RGL3: variants seen among roughly 807,000 people sequenced by gnomAD.
The protein encoded by RGL3 is ral guanine nucleotide dissociation stimulator like 3.
RGL3 carries 85 observed loss-of-function variants against 90.6 expected under a neutral mutation model. That is an observed-to-expected ratio of 0.94 (90% confidence interval 0.79 to 1.12). The LOEUF is 1.12. Among genes scored for constraint, RGL3 ranks in the 50% most tolerant of loss-of-function variants. The probability of loss-of-function intolerance (pLI) is 0.00; values close to 1 mark genes in which losing one functional copy is unlikely to be tolerated. For missense variants in RGL3, 1,034 were observed against 939.2 expected (o/e 1.10, Z -1.32); for synonymous variants, 408 against 385.5 (o/e 1.06, Z -0.68).
rs537711419 is a variant in RGL3 at position 11,408,431 on chromosome 19, C to A, written c.638-1567G>T. Among the ~76,000 whole-genome samples, 581 of 151,838 alleles carry A rather than the reference C, an allele frequency of 3.8e-3. 4 individuals carry two copies. Among genetic ancestry groups the A allele is most frequent in the African/African-American group, 0.014 (562 of 41,444 alleles). On this transcript the variant is annotated intron_variant, in intron 5 of 18. Coordinates refer to ENST00000380456, the MANE Select transcript of RGL3 (RefSeq NM_001035223.4). ...ACCCCGTCTCTACTAAAAAAAAATA[C>A]AAAAATTAGCCGGGCGTGATGGCAC...
chr19:11,414,505 A>ATATATATATATACC (rs1555720247), intron 5 of RGL3, among the ~76,000 whole-genome samples: 4 of 98,170 alleles, frequency 4.1e-5, no homozygotes, highest in African/African-American at 1.7e-4. Flanking sequence ...ATATATATAT[A>ATATATATATATACC]TATATATATA....
rs759428729 is a variant in RGL3 at position 11,397,564 on chromosome 19, G to T, written c.1780C>A (p.Pro594Thr). 8.2e-6 allele frequency: 13 copies of T among 1,590,948 alleles called. No homozygotes were observed. The highest frequency in any genetic ancestry group is 1.1e-5 in the Non-Finnish European group (13 of 1,167,924). ...PLSLDLPSPR[P>T]FALPLGSPRI... ...GGGCTGCCCAGAGGCAAAGCGAAGGGCCGGGGGCTGGGCAGGTCCAGGCTC... is the reference window on the plus strand; with the variant it reads ...GGGCTGCCCAGAGGCAAAGCGAAGGTCCGGGGGCTGGGCAGGTCCAGGCTC... Residue 594 changes from proline (P) to threonine (T), a missense_variant, in exon 17 of 19, where the codon CCC becomes ACC. Coordinates refer to ENST00000380456, the MANE Select transcript of RGL3 (RefSeq NM_001035223.4).
In RGL3 at chr19:11,397,187, C is replaced by A; in HGVS notation, c.2014+57G>T. ...CTTGGGCTCCATCCTTGGGCGTGGT[C>A]AGTCTGCTCGCCTCCCCGCTGCCCC... is the stretch of plus-strand genomic sequence containing the variant. On this transcript the variant is annotated intron_variant, in intron 18 of 18. Transcript: ENST00000380456. 2.1e-6 allele frequency: 3 copies of A among 1,457,482 alleles called. No individual in the cohort carries two copies. The South Asian group carries it at 3.5e-5, about 17-fold the overall frequency. 90.3% of individuals were successfully genotyped at this position (1,457,482 alleles called of 1,614,324 possible). A position where few individuals can be genotyped will look rare whatever the true frequency, so the allele number is the denominator to read the frequency against.
In RGL3 at chr19:11,402,423, TG is replaced by T. The variant is rs1172829701; in HGVS notation, c.1329+31del. On this transcript the variant is annotated intron_variant, in intron 11 of 18. Transcript: ENST00000380456. ...CCATTGTGCTGGGGGCAAGTGGAGCTGGGGTCAGGGGTCAAGGGTCAGGGGT... is the reference window on the plus strand; with the variant it reads ...CCATTGTGCTGGGGGCAAGTGGAGCTGGGTCAGGGGTCAAGGGTCAGGGGT... The T allele has an allele frequency of 5.0e-6, 8 of 1,588,076 alleles. No individual in the cohort carries two copies. In the Admixed American group the frequency reaches 1.4e-4, roughly 28 times the overall value.
At position 11,402,087 on chromosome 19, in the gene RGL3, G is replaced by A; in HGVS notation, c.1408C>T (p.Gln470Ter). ...ARIQQLQRRC[Q>*]SYTLSPHPPI... ...GGGTGGGGGCTCAGGGTGTAGCTCT[G>A]ACAGCGCCTCTGCAGCTGCTGGATG... Residue 470 changes from glutamine (Q) to a stop codon, truncating the protein, a stop_gained, in exon 13 of 19, where the codon CAG becomes TAG. Coordinates refer to ENST00000380456, the MANE Select transcript of RGL3 (RefSeq NM_001035223.4). LOFTEE classifies it high-confidence loss of function. The A allele has an allele frequency of 6.3e-7, 1 of 1,594,614 alleles. No individual in the cohort carries two copies. Among genetic ancestry groups the A allele is most frequent in the South Asian group, 1.2e-5 (1 of 86,854 alleles).
At chr19:11,411,803 C>A (rs1190954667) in intron 5 of RGL3, among the ~76,000 whole-genome samples, 1 of 152,114 alleles carries the variant, frequency 6.6e-6, no homozygotes, top group Non-Finnish European at 1.5e-5. Context: ...TTTGTAGACA[C>A]AAAGTTTCAA....
At position 11,416,947 on chromosome 19, in the gene RGL3, T is replaced by C; in HGVS notation, c.260A>G (p.Glu87Gly). The change falls in exon 3 of 19, where the codon GAG becomes GGG. Residue 87 changes from glutamate to glycine, a missense_variant. Coordinates refer to ENST00000380456, the MANE Select transcript of RGL3 (RefSeq NM_001035223.4). ...LVGELVFGDR[E>G]QDPSFMPAFL... ...GGCGGGCATGAAGCTGGGGTCCTGC[T>C]CACGGTCTCCAAACACCAACTCTCC... 6.2e-7 allele frequency: 1 copy of C among 1,613,994 alleles called. No homozygotes were observed.
chr19:11,404,565 C>T (rs1025933708), intron 9 of RGL3, among the ~76,000 whole-genome samples: 10 of 149,940 alleles, frequency 6.7e-5, no homozygotes, highest in Non-Finnish European at 1.5e-4. Flanking sequence ...CAAATGATGA[C>T]GACAACAACA....
chr19:11,405,824 T>C (rs560261585), intron 7 of RGL3, among the ~76,000 whole-genome samples: 124 of 151,642 alleles, frequency 8.2e-4, no homozygotes, highest in Non-Finnish European at 1.3e-3. Flanking sequence ...GCCTCCCAAG[T>C]AGCTGGGATT....
chr19:11,396,828 C>T lies in RGL3; in HGVS notation c.2014+416G>A, dbSNP rs913827621. On this transcript the variant is annotated intron_variant, in intron 18 of 18. Coordinates refer to ENST00000380456, the MANE Select transcript of RGL3 (RefSeq NM_001035223.4). ...GACTACAGGAGTGTGCCACCACACC[C>T]GACTAATTTTTGTATGTTTCGTAGA... is the stretch of plus-strand genomic sequence containing the variant. Among the ~76,000 whole-genome samples the T allele has an allele frequency of 5.3e-5, 8 of 151,520 alleles. No individual in the cohort carries two copies. In the East Asian group the frequency reaches 7.8e-4, roughly 15 times the overall value.
intron 7 of RGL3, 51 bp from the exon 8 acceptor site, chr19:11,405,477 T>C (rs560285187): frequency 1.6e-5 from 7 of 430,498 alleles, no homozygotes; most frequent in African/African-American, 8.3e-5. Context: ...CCACCTTTCA[T>C]CCTGAAACTT....
intron 5 of RGL3, among the ~76,000 whole-genome samples, chr19:11,414,075 G>A (rs1032546754): frequency 1.4e-5 from 2 of 139,098 alleles, no homozygotes; most frequent in African/African-American, 5.3e-5. Flanking sequence ...AGCGACAGGG[G>A]CTAGTGGATA....
chr19:11,406,432 A>C lies in RGL3; in HGVS notation c.983T>G (p.Ile328Ser), dbSNP rs1196714930. ...CCCGCAACACACCTGGGCGATGCGGATCCACTTCTCCAGCCGCTGCGCCCT... is the reference window on the plus strand; with the variant it reads ...CCCGCAACACACCTGGGCGATGCGGCTCCACTTCTCCAGCCGCTGCGCCCT... Reference protein sequence around the residue: ...PQRAQRLEKWIRIAQRCRELR... With the variant: ...PQRAQRLEKWSRIAQRCRELR... The change falls in exon 7 of 19, where the codon ATC (isoleucine) becomes AGC (serine). Residue 328 changes from isoleucine (I) to serine (S), a missense_variant. By Grantham distance (142) the Ile-to-Ser change is moderately radical (BLOSUM62 -2). Coordinates refer to ENST00000380456, the MANE Select transcript of RGL3 (RefSeq NM_001035223.4). 1.3e-6 allele frequency: 2 copies of C among 1,539,010 alleles called. No homozygotes were observed. Among genetic ancestry groups the C allele is most frequent in the Admixed American group, 3.9e-5 (2 of 50,998 alleles).
chr19:11,401,993 A>G lies in RGL3; in HGVS notation c.1484+18T>C. The G allele has an allele frequency of 6.6e-7, 1 of 1,516,738 alleles. No homozygotes were observed. The highest frequency in any genetic ancestry group is 1.3e-5 in the South Asian group (1 of 75,440). 94.0% of individuals were successfully genotyped at this position (1,516,738 alleles called of 1,614,324 possible). On this transcript the variant is annotated intron_variant, in intron 13 of 18. Transcript: ENST00000380456. ...GGCTCAGCTGGGGTGGGGCTGGGAC[A>G]GGCTACAGGGTGGTCACCTCTGCTC...
chr19:11,408,303 C>T (rs1042295889), intron 5 of RGL3, among the ~76,000 whole-genome samples: 11 of 152,146 alleles, frequency 7.2e-5, no homozygotes, highest in Admixed American at 4.6e-4. Context: ...ATCATGCTGC[C>T]GGGCGCTGTG....
intron 13 of RGL3, 97 bp from the exon 14 acceptor site, chr19:11,400,394 A>C: frequency 9.5e-7 from 1 of 1,053,310 alleles, no homozygotes; most frequent in Admixed American, 3.3e-5. Context: ...TTTGGGGTGT[A>C]AGGGGGAGCA....
At chr19:11,408,302 C>T (rs191501621) in intron 5 of RGL3, among the ~76,000 whole-genome samples, 1 of 152,294 alleles carries the variant, frequency 6.6e-6, no homozygotes, top group African/African-American at 2.4e-5. Flanking sequence ...GATCATGCTG[C>T]CGGGCGCTGT....
intron 2 of RGL3, among the ~76,000 whole-genome samples, 160 bp from the exon 3 acceptor site, chr19:11,417,219 T>G (rs1392554568): frequency 2.0e-5 from 3 of 151,534 alleles, no homozygotes; most frequent in Non-Finnish European, 4.4e-5. Flanking sequence ...TGGCACGATC[T>G]TGGGTCACTT....
chr19:11,405,492 ATCTTTTTTTTTTTTTTTTTTT>A, intron 7 of RGL3, 66 bp from the exon 8 acceptor site: 3 of 132,452 alleles, frequency 2.3e-5, no homozygotes, highest in East Asian at 1.4e-4. Flanking sequence ...AAACTTCTTC[ATCTTTTTTTTTTTTTTTTTTT>A]TTTTTTTTTT....
Sources: gnomAD v4.1 joint callset for allele counts (sites outside exome capture counted in the v4.1 genomes callset) on GRCh38, gnomAD v4.1.1 for gene constraint, MANE v1.5 for transcripts, NCBI Gene and HGNC (gene_info 2026-07-23, HGNC 2026-07-21) for gene names.